The following GRID1 variants were observed in gnomAD, a reference collection of about 807,000 sequenced individuals.
GRID1 encodes glutamate receptor ionotropic, delta-1.
Under a neutral mutation model 98.0 loss-of-function variants are expected in GRID1, and 28 were observed. The observed-to-expected ratio is 0.29, with a 90% CI of 0.21 to 0.39. The LOEUF (loss-of-function observed/expected upper bound fraction) is 0.39, where lower values mean the gene tolerates loss of function less well. GRID1 is among the 10% of genes least tolerant of loss of function. The probability of loss-of-function intolerance (pLI) is 1.00; values close to 1 mark genes in which losing one functional copy is unlikely to be tolerated. For missense variants in GRID1, 1,111 were observed against 1,340.5 expected (o/e 0.83, Z 2.67); for synonymous variants, 553 against 538.5 (o/e 1.03, Z -0.37).
intron 8 of GRID1, among the ~76,000 whole-genome samples, chr10:85,819,127 T>A (rs1842739939): frequency 6.6e-6 from 1 of 151,790 alleles, no homozygotes; most frequent in Admixed American, 6.6e-5. Context: ...AGGGGAAGAG[T>A]CAAATCCTCA....
intron 4 of GRID1, among the ~76,000 whole-genome samples, chr10:86,028,315 T>C (rs1263275737): frequency 1.3e-5 from 2 of 152,184 alleles, no homozygotes; most frequent in Non-Finnish European, 2.9e-5. Context: ...ACCCCTTTCA[T>C]TCTGGGAAGG....
intron 4 of GRID1, among the ~76,000 whole-genome samples, chr10:86,071,774 T>C (rs551364058): frequency 4.6e-5 from 7 of 152,108 alleles, no homozygotes; most frequent in Non-Finnish European, 8.8e-5. Context: ...AAATGATCCA[T>C]ATTGTGGTGC....
chr10:85,990,518 G>A (rs1218093009), intron 4 of GRID1, among the ~76,000 whole-genome samples: 2 of 152,224 alleles, frequency 1.3e-5, no homozygotes, highest in African/African-American at 2.4e-5. Context: ...CAAATCATGA[G>A]AGACGACAGC....
intron 2 of GRID1, among the ~76,000 whole-genome samples, chr10:86,276,678 C>A (rs570833140): frequency 5.9e-5 from 9 of 151,930 alleles, no homozygotes; most frequent in Admixed American, 1.3e-4. Flanking sequence ...TTAGTAGAGA[C>A]GGGGTTTCAC....
chr10:85,687,082 G>A (rs1196049711), intron 12 of GRID1, among the ~76,000 whole-genome samples: 4 of 152,136 alleles, frequency 2.6e-5, no homozygotes, highest in African/African-American at 4.8e-5. Context: ...ACTTGAACCC[G>A]ATAGTTGAAA....
At chr10:85,926,030 C>G (rs754496963) in intron 4 of GRID1, among the ~76,000 whole-genome samples, 11 of 152,104 alleles carry the variant, frequency 7.2e-5, no homozygotes, top group Non-Finnish European at 1.6e-4. Context: ...TTTTTACGAG[C>G]CTGACTTTTT....
chr10:85,899,956 C>T (rs554382208), intron 5 of GRID1, among the ~76,000 whole-genome samples: 2 of 152,304 alleles, frequency 1.3e-5, no homozygotes, highest in South Asian at 4.1e-4. Flanking sequence ...GCATAATATT[C>T]ATTTGGGATT....
At chr10:86,006,118 A>G (rs1842857552) in intron 4 of GRID1, among the ~76,000 whole-genome samples, 3 of 152,234 alleles carry the variant, frequency 2.0e-5, no homozygotes, top group Non-Finnish European at 4.4e-5. Context: ...TGGTAGTACT[A>G]GTGCAGAATA....
At chr10:86,355,466 G>A (rs1408295486) in intron 2 of GRID1, among the ~76,000 whole-genome samples, 2 of 152,222 alleles carry the variant, frequency 1.3e-5, no homozygotes, top group Non-Finnish European at 2.9e-5. Context: ...TCCCACACCT[G>A]GGTGGAGGAG....
chr10:86,366,124 G>C lies in GRID1; in HGVS notation c.79+190C>G, dbSNP rs547521985. Among the ~76,000 whole-genome samples the C allele has an allele frequency of 6.6e-6, 1 of 151,862 alleles. No individual in the cohort carries two copies. The highest frequency in any genetic ancestry group is 1.5e-5 in the Non-Finnish European group (1 of 67,922). ...CGCGGAGATCGGAGCCCCGGGGAGC[G>C]GCAAGCAGCCAGCGGGAGCGCGGCG... On this transcript the variant is annotated intron_variant, in intron 1 of 15. Transcript: ENST00000327946. The surrounding 1 kb of genome is among the most constrained non-coding windows in gnomAD (Gnocchi z 4.1).
chr10:85,659,917 C>T (rs142503464), intron 12 of GRID1, among the ~76,000 whole-genome samples: 1 of 152,340 alleles, frequency 6.6e-6, no homozygotes, highest in East Asian at 1.9e-4. Context: ...CCAAGTTGAG[C>T]TTGTTGAGCT....
intron 2 of GRID1, among the ~76,000 whole-genome samples, chr10:86,257,494 G>A (rs1846940881): frequency 6.6e-6 from 1 of 152,216 alleles, no homozygotes; most frequent in Admixed American, 6.5e-5. Flanking sequence ...TCAACTAGGA[G>A]CTTGTGGGAG....
chr10:85,939,549 A>G (rs1841971232), intron 4 of GRID1, among the ~76,000 whole-genome samples: 1 of 152,090 alleles, frequency 6.6e-6, no homozygotes, highest in Admixed American at 6.6e-5. Context: ...CTTCACAATC[A>G]GCAGCAACAC....
intron 8 of GRID1, among the ~76,000 whole-genome samples, chr10:85,796,236 C>T (rs761145425): frequency 2.0e-5 from 3 of 152,194 alleles, no homozygotes; most frequent in Non-Finnish European, 2.9e-5. Flanking sequence ...TCAAAGAAGA[C>T]ACCATTGGAG....
chr10:85,712,545 A>G (rs571440518), intron 12 of GRID1, among the ~76,000 whole-genome samples: 3 of 151,904 alleles, frequency 2.0e-5, no homozygotes, highest in Non-Finnish European at 4.4e-5. Context: ...GTAAAAGCAG[A>G]CTTGCACAAC....
rs1564703185 is a variant in GRID1 at position 86,195,037 on chromosome 10, G to A, written c.520+11327C>T. 6.6e-6 allele frequency among the ~76,000 whole-genome samples: 1 copy of A among 152,056 alleles called. No individual in the cohort carries two copies. The highest frequency in any genetic ancestry group is 2.1e-4 in the South Asian group (1 of 4,826). ...TGGACACATGAAGCCTCACTCCGTG[G>A]GCAGCAAGGAGTGCCAGAACGCACA... On this transcript the variant is annotated intron_variant, in intron 3 of 15. Coordinates refer to ENST00000327946, the MANE Select transcript of GRID1 (RefSeq NM_017551.3). This position sits in a 1 kb window ranked among gnomAD's most constrained non-coding sequence, Gnocchi z 4.4.
chr10:85,894,445 A>G (rs78850542), intron 5 of GRID1, among the ~76,000 whole-genome samples: 7,492 of 152,266 alleles, frequency 0.049, 257 homozygotes, highest in Non-Finnish European at 0.071. Flanking sequence ...TGTAATCTAC[A>G]GTGACAGAAA....
intron 4 of GRID1, among the ~76,000 whole-genome samples, chr10:86,040,161 T>C (rs928959627): frequency 4.0e-5 from 6 of 151,650 alleles, no homozygotes; most frequent in African/African-American, 1.5e-4. Flanking sequence ...TAAATGAGTA[T>C]AGTCATCATG....
intron 4 of GRID1, among the ~76,000 whole-genome samples, chr10:86,108,564 AG>A (rs1003010827): frequency 5.7e-4 from 87 of 152,306 alleles, no homozygotes; most frequent in African/African-American, 2.0e-3. Flanking sequence ...ATATTCCAGA[AG>A]GAGCTCCATC....
Sources: gnomAD v4.1 joint callset for allele counts (sites outside exome capture counted in the v4.1 genomes callset) on GRCh38, gnomAD v4.1.1 for gene constraint, Gnocchi (gnomAD v3.1) non-coding constraint, MANE v1.5 for transcripts, NCBI Gene and HGNC (gene_info 2026-07-23, HGNC 2026-07-21) for gene names.